ANKRD30BL: variants seen among roughly 807,000 people sequenced by gnomAD.
ANKRD30BL encodes putative ankyrin repeat domain-containing protein 30B-like.
Under a neutral mutation model 18.4 loss-of-function variants are expected in ANKRD30BL, and 20 were observed. The ratio of observed to expected loss-of-function variants is 1.09; its 90% CI spans 0.77 to 1.58. The LOEUF (loss-of-function observed/expected upper bound fraction) is 1.58, where lower values mean the gene tolerates loss of function less well. Ranked by LOEUF, ANKRD30BL falls within the 40% of genes most tolerant of loss-of-function variation. The pLI is 0.00. For synonymous variants in ANKRD30BL, 72 were observed against 100.9 expected (o/e 0.71, Z 1.72); for missense variants, 224 against 268.6 (o/e 0.83, Z 1.16).
chr2:132,198,324 C>G (rs13014931), intron 1 of ANKRD30BL, among the ~76,000 whole-genome samples: 46 of 16,778 alleles, frequency 2.7e-3, no homozygotes, highest in African/African-American at 6.0e-3. Flanking sequence ...TTCTTTCTTT[C>G]TTTTTTTTTT....
intron 1 of ANKRD30BL, among the ~76,000 whole-genome samples, chr2:132,179,661 G>C (rs1479896286): frequency 6.6e-6 from 1 of 152,088 alleles, no homozygotes; most frequent in East Asian, 1.9e-4. Flanking sequence ...AGCAATTTCA[G>C]GCAGGTCCTT....
intron 1 of ANKRD30BL, among the ~76,000 whole-genome samples, chr2:132,173,662 ATT>A (rs34119441): frequency 6.7e-6 from 1 of 148,784 alleles, no homozygotes. Flanking sequence ...ATCTGTAATT[ATT>A]TTTTTTTTAC....
chr2:132,241,585 A>T (rs1469910798), intron 1 of ANKRD30BL, among the ~76,000 whole-genome samples: 5 of 151,892 alleles, frequency 3.3e-5, no homozygotes, highest in Non-Finnish European at 7.4e-5. Flanking sequence ...CACCCAGTTG[A>T]AGCTTTCTTT....
intron 1 of ANKRD30BL, among the ~76,000 whole-genome samples, chr2:132,175,632 C>T (rs913984478): frequency 7.9e-5 from 12 of 152,346 alleles, no homozygotes; most frequent in East Asian, 3.9e-4. Flanking sequence ...AGGTCTTTCT[C>T]ATCCCATGAG....
chr2:132,222,092 T>C (rs1370652837), intron 1 of ANKRD30BL, among the ~76,000 whole-genome samples: 1 of 102,004 alleles, frequency 9.8e-6, no homozygotes, highest in African/African-American at 4.4e-5. Context: ...GGTCGGGGGG[T>C]CAGCCCCCCA....
intron 1 of ANKRD30BL, among the ~76,000 whole-genome samples, chr2:132,239,728 G>T (rs2104793025): frequency 6.6e-6 from 1 of 152,004 alleles, no homozygotes; most frequent in East Asian, 1.9e-4. Context: ...CTTTCAGTGA[G>T]CAGTTTTGAA....
chr2:132,222,651 A>G (rs1679722254), intron 1 of ANKRD30BL, among the ~76,000 whole-genome samples: 1 of 151,938 alleles, frequency 6.6e-6, no homozygotes, highest in South Asian at 2.1e-4. Flanking sequence ...GCTCATTAAG[A>G]GTCATCACCA....
chr2:132,186,753 G>GTAGA (rs1688567042), intron 1 of ANKRD30BL, among the ~76,000 whole-genome samples: 1 of 152,120 alleles, frequency 6.6e-6, no homozygotes, highest in South Asian at 2.1e-4. Context: ...TTTATCAGAG[G>GTAGA]TAGATGAAAC....
intron 1 of ANKRD30BL, among the ~76,000 whole-genome samples, chr2:132,224,764 A>T (rs1332954646): frequency 6.6e-6 from 1 of 151,830 alleles, no homozygotes; most frequent in Non-Finnish European, 1.5e-5. Flanking sequence ...GTAGAATCTG[A>T]AGGGGATATT....
chr2:132,174,360 G>T (rs1175474376), intron 1 of ANKRD30BL, among the ~76,000 whole-genome samples: 1 of 152,154 alleles, frequency 6.6e-6, no homozygotes, highest in Non-Finnish European at 1.5e-5. Context: ...AGAGGCAACT[G>T]CAAGTTAATC....
At chr2:132,222,033 G>T (rs1481220035) in intron 1 of ANKRD30BL, among the ~76,000 whole-genome samples, 3 of 135,732 alleles carry the variant, frequency 2.2e-5, no homozygotes, top group Non-Finnish European at 4.7e-5. Context: ...CACCCTGTCC[G>T]GGAGGGAGGC....
At chr2:132,214,304 G>T (rs1001427550) in intron 1 of ANKRD30BL, among the ~76,000 whole-genome samples, 3 of 151,936 alleles carry the variant, frequency 2.0e-5, no homozygotes, top group African/African-American at 7.2e-5. Flanking sequence ...AGAGCTTTGA[G>T]GCCTATGTTG....
intron 1 of ANKRD30BL, among the ~76,000 whole-genome samples, chr2:132,242,039 T>C (rs1242071450): frequency 6.6e-6 from 1 of 151,766 alleles, no homozygotes; most frequent in African/African-American, 2.4e-5. Flanking sequence ...ACGTAAAAAG[T>C]AGACAGAAGC....
At chr2:132,230,651 T>G (rs1573870157) in intron 1 of ANKRD30BL, among the ~76,000 whole-genome samples, 1 of 152,262 alleles carries the variant, frequency 6.6e-6, no homozygotes, top group East Asian at 1.9e-4. Flanking sequence ...TAACTTCACA[T>G]AAAAACTAGA....
intron 1 of ANKRD30BL, among the ~76,000 whole-genome samples, chr2:132,226,774 TTTGA>T (rs1679858676): frequency 6.6e-6 from 1 of 152,124 alleles, no homozygotes; most frequent in Non-Finnish European, 1.5e-5. Context: ...GAACCTTTCT[TTTGA>T]TTGAGAATTA....
At chr2:132,235,808 T>C (rs1680136903) in intron 1 of ANKRD30BL, among the ~76,000 whole-genome samples, 1 of 152,252 alleles carries the variant, frequency 6.6e-6, no homozygotes, top group Admixed American at 6.6e-5. Context: ...AAGCTACCAA[T>C]GCCTTTCTTC....
chr2:132,222,045 G>T (rs1267434399), intron 1 of ANKRD30BL, among the ~76,000 whole-genome samples: 2 of 102,608 alleles, frequency 1.9e-5, no homozygotes, highest in Non-Finnish European at 3.5e-5. Flanking sequence ...GAGGGAGGCG[G>T]GGGGGGGGGT....
intron 1 of ANKRD30BL, among the ~76,000 whole-genome samples, chr2:132,198,453 A>G (rs2104744856): frequency 6.7e-6 from 1 of 150,326 alleles, no homozygotes; most frequent in East Asian, 2.0e-4. Context: ...CTTCCTGAGT[A>G]GCTGGTACTA....
At chr2:132,153,603 A>C (rs1283728228) in intron 4 of ANKRD30BL, 2 of 793,058 alleles carry the variant, frequency 2.5e-6, no homozygotes, top group East Asian at 1.0e-4. Context: ...ATCATTCCAC[A>C]TGTAGCTTCA....
Sources: gnomAD v4.1 joint callset for allele counts (sites outside exome capture counted in the v4.1 genomes callset) on GRCh38, gnomAD v4.1.1 for gene constraint, MANE v1.5 for transcripts, NCBI Gene and HGNC (gene_info 2026-07-23, HGNC 2026-07-21) for gene names.